The following LRSAM1 variants were observed in gnomAD, a reference collection of about 807,000 sequenced individuals.
LRSAM1 encodes the protein leucine rich repeat and sterile alpha motif containing 1, also known as E3 ubiquitin-protein ligase LRSAM1.
A neutral mutation model predicts 118.1 loss-of-function variants in LRSAM1; 96 were observed. The ratio of observed to expected loss-of-function variants is 0.81; its 90% confidence interval spans 0.69 to 0.96. The LOEUF (loss-of-function observed/expected upper bound fraction) is 0.96, where lower values mean the gene tolerates loss of function less well. Among genes scored for constraint, LRSAM1 ranks in the 40% least tolerant of loss-of-function variants. The pLI is 0.00. For missense variants in LRSAM1, 804 were observed against 915.5 expected, an observed-to-expected ratio of 0.88 and a Z score of 1.57; for synonymous variants, 322 against 364.2, an observed-to-expected ratio of 0.88 and a Z score of 1.32.
intron 7 of LRSAM1, among the ~76,000 whole-genome samples, chr9:127,460,157 G>A (rs1430219661): frequency 6.6e-6 from 1 of 151,970 alleles, no homozygotes; most frequent in Admixed American, 6.6e-5. Flanking sequence ...CCACCACTAT[G>A]CCTGGCTAAT....
chr9:127,473,356 C>T (rs190121619), intron 10 of LRSAM1, among the ~76,000 whole-genome samples: 1 of 152,306 alleles, frequency 6.6e-6, no homozygotes, highest in East Asian at 1.9e-4. Context: ...TACAAATCAA[C>T]AGGAAAAAGA....
intron 10 of LRSAM1, among the ~76,000 whole-genome samples, chr9:127,473,375 C>T (rs1835243009): frequency 6.6e-6 from 1 of 152,170 alleles, no homozygotes; most frequent in Non-Finnish European, 1.5e-5. Context: ...GACAAACAGC[C>T]AAATAGGAAG....
At position 127,457,362 on chromosome 9, in the gene LRSAM1, C is replaced by T; in HGVS notation, c.221C>T (p.Ser74Phe). 2.5e-6 allele frequency: 4 copies of T among 1,614,258 alleles called. No individual in the cohort carries two copies. Among genetic ancestry groups the T allele is most frequent in the Non-Finnish European group, 3.4e-6 (4 of 1,180,048 alleles). ...TNHLTSLLPKSCSLLSLATIK... is the reference protein window; with the variant it reads ...TNHLTSLLPKFCSLLSLATIK... ...CACCTCACTTCCCTGCTTCCCAAAT[C>T]CTGCAGCCTCCTGAGTCTGGCAACC... The change falls in exon 6 of 26, where the codon TCC (serine) becomes TTC (phenylalanine). Residue 74 changes from serine to phenylalanine, a missense_variant. Coordinates refer to ENST00000300417, the MANE Select transcript of LRSAM1 (RefSeq NM_001005373.4).
chr9:127,452,429 C>T (rs1834357404), intron 2 of LRSAM1: 1 of 152,272 alleles, frequency 6.6e-6, no homozygotes. Context: ...CAGACAGCCC[C>T]GCCCCCGTGG....
intron 17 of LRSAM1, chr9:127,487,381 G>A: frequency 2.6e-6 from 1 of 379,864 alleles, no homozygotes; most frequent in Non-Finnish European, 5.1e-6. Flanking sequence ...TGGCTGGGCA[G>A]AGGCAGGCAT....
In LRSAM1 at chr9:127,465,952, A is replaced by G. The variant is rs1482038702; in HGVS notation, c.529-1788A>G. ...CATCTGCATGTGTGCGCTGATAAACATTTGTCATTACATAATTTAAAAGTC... is the reference window on the plus strand; with the variant it reads ...CATCTGCATGTGTGCGCTGATAAACGTTTGTCATTACATAATTTAAAAGTC... On this transcript the variant is annotated intron_variant, in intron 9 of 25. Coordinates refer to ENST00000300417, the MANE Select transcript of LRSAM1 (RefSeq NM_001005373.4). The surrounding 1 kb of genome is among the most constrained non-coding windows in gnomAD (Gnocchi z 4.1). Among the ~76,000 whole-genome samples the G allele has an allele frequency of 6.6e-6, 1 of 152,106 alleles. No homozygotes were observed. Among genetic ancestry groups the G allele is most frequent in the Non-Finnish European group, 1.5e-5 (1 of 68,024 alleles).
chr9:127,473,798 C>T lies in LRSAM1; in HGVS notation c.620-3C>T, dbSNP rs373015900. On this transcript the variant is annotated splice_polypyrimidine_tract_variant and splice_region_variant and intron_variant, in intron 10 of 25. Coordinates refer to ENST00000300417, the MANE Select transcript of LRSAM1 (RefSeq NM_001005373.4). ...TGGTCAGCTTGTGTCCCGTCTCTTA[C>T]AGAGTCAGGGCTGGAATACTACCCC... 1.2e-4 allele frequency: 186 copies of T among 1,614,062 alleles called. No individual in the cohort carries two copies. Among genetic ancestry groups the T allele is most frequent in the Non-Finnish European group, 1.3e-4 (159 of 1,180,030 alleles).
rs781577020 is a variant in LRSAM1, at chr9:127,462,280, C to G, written c.435C>G (p.Thr145=). The G allele has an allele frequency of 1.2e-6, 2 of 1,613,926 alleles. No homozygotes were observed. The highest frequency in any genetic ancestry group is 8.5e-7 in the Non-Finnish European group (1 of 1,179,996). Reference sequence around the variant, plus strand: ...ACAAGCTGAAGGAGCTTCCAGACACCGTGGGGGAGCTTCGAAGCCTGCGTA... The same window carrying G: ...ACAAGCTGAAGGAGCTTCCAGACACGGTGGGGGAGCTTCGAAGCCTGCGTA... ...KDNKLKELPD[T]VGELRSLRTL... The change falls in exon 9 of 26, where the codon ACC becomes ACG. Residue 145 remains threonine (T), a synonymous_variant. Coordinates refer to ENST00000300417, the MANE Select transcript of LRSAM1 (RefSeq NM_001005373.4).
chr9:127,495,005 G>A (rs1202469870), intron 21 of LRSAM1, among the ~76,000 whole-genome samples: 2 of 152,222 alleles, frequency 1.3e-5, no homozygotes, highest in African/African-American at 2.4e-5. Context: ...AGGCTGGAGT[G>A]CAGTGGCGCG....
Position 127,493,756 on chromosome 9 carries a change from C to T in LRSAM1, c.1599+859C>T, listed in dbSNP as rs568586849. Among the ~76,000 whole-genome samples the T allele has an allele frequency of 1.2e-4, 19 of 152,272 alleles. No homozygotes were observed. In the East Asian group the frequency reaches 3.3e-3, roughly 26 times the overall value. On this transcript the variant is annotated intron_variant, in intron 21 of 25. Coordinates refer to ENST00000300417, the MANE Select transcript of LRSAM1 (RefSeq NM_001005373.4). The stretch of plus-strand genomic sequence containing the variant: ...TGACACTGGCACATTTTCAGCGTGG[C>T]AGAGGCCCCCTTGAGAGTGTCTCCT...
Position 127,485,766 on chromosome 9 carries a change from G to A in LRSAM1, c.1190G>A (p.Cys397Tyr), listed in dbSNP as rs780219877. The part of the protein sequence containing the change: ...SAMQQMLTES[C>Y]KNRLIQMAYE... Reference sequence around the variant, plus strand: ...ATGCAGCAGATGCTGACTGAGAGCTGTAAGAACCGGCTCATCCAGATGGCC... The same window carrying A: ...ATGCAGCAGATGCTGACTGAGAGCTATAAGAACCGGCTCATCCAGATGGCC... The change falls in exon 17 of 26, where the codon TGT (cysteine) becomes TAT (tyrosine). Residue 397 changes from cysteine to tyrosine, a missense_variant. Physicochemically the swap from Cys to Tyr is radical, Grantham distance 194 (BLOSUM62 -2). Coordinates refer to ENST00000300417, the MANE Select transcript of LRSAM1 (RefSeq NM_001005373.4). The A allele has an allele frequency of 6.2e-7, 1 of 1,614,122 alleles. No individual in the cohort carries two copies. The highest frequency in any genetic ancestry group is 2.2e-5 in the East Asian group (1 of 44,880).
chr9:127,502,277 G>A (rs140843243), intron 25 of LRSAM1, among the ~76,000 whole-genome samples: 32 of 152,340 alleles, frequency 2.1e-4, no homozygotes, highest in African/African-American at 7.2e-4. Context: ...GAAATAGACA[G>A]CAAACTGCTA....
intron 17 of LRSAM1, 71 bp downstream of exon 17, chr9:127,485,906 G>T: frequency 1.3e-6 from 2 of 1,492,306 alleles, no homozygotes; most frequent in South Asian, 2.3e-5. Context: ...ACCGTGGGAT[G>T]AGAGCTGGGC....
intron 24 of LRSAM1, among the ~76,000 whole-genome samples, chr9:127,498,760 T>A (rs1836252474): frequency 6.6e-6 from 1 of 152,106 alleles, no homozygotes; most frequent in Non-Finnish European, 1.5e-5. Context: ...ATACTTTATA[T>A]CAAATATAGA....
rs1336726060 is a variant in LRSAM1 at position 127,465,122 on chromosome 9, C to T, written c.529-2618C>T. On this transcript the variant is annotated intron_variant, in intron 9 of 25. Coordinates refer to ENST00000300417, the MANE Select transcript of LRSAM1 (RefSeq NM_001005373.4). This position sits in a 1 kb window ranked among gnomAD's most constrained non-coding sequence, Gnocchi z 4.1. The stretch of plus-strand genomic sequence containing the variant: ...CAGCCCACCAGGTCGGTAACACTGC[C>T]TGTTTGGCTATGAGGAGACCACAGC... Among the ~76,000 whole-genome samples the T allele has an allele frequency of 6.6e-6, 1 of 152,184 alleles. No individual in the cohort carries two copies. The highest frequency in any genetic ancestry group is 1.5e-5 in the Non-Finnish European group (1 of 68,034).
intron 1 of LRSAM1, 87 bp downstream of exon 1, chr9:127,451,756 A>T (rs1834329639): frequency 5.2e-6 from 1 of 191,674 alleles, no homozygotes; most frequent in Admixed American, 5.6e-5. Context: ...AGACCCCAGT[A>T]CCGCGGCGAC....
chr9:127,501,085 C>G lies in LRSAM1; in HGVS notation c.1988C>G (p.Ala663Gly). ...CCTCCTGAGTCTGTGAGGCCATCCG[C>G]TCCCCCTGCAGAGCTGGAGGTGCAG... ...QEPPESVRPS[A>G]PPAELEVQAS... Residue 663 changes from alanine (A) to glycine (G), a missense_variant, in exon 25 of 26, where the codon GCT (alanine) becomes GGT (glycine). By Grantham distance (60) the Ala-to-Gly change is moderately conservative. Coordinates refer to ENST00000300417, the MANE Select transcript of LRSAM1 (RefSeq NM_001005373.4). The G allele has an allele frequency of 3.1e-6, 5 of 1,614,012 alleles. No homozygotes were observed. Among genetic ancestry groups the G allele is most frequent in the Non-Finnish European group, 4.2e-6 (5 of 1,180,024 alleles).
At chr9:127,457,234 G>C in intron 5 of LRSAM1, 82 bp from the exon 6 acceptor site, 1 of 1,511,838 alleles carries the variant, frequency 6.6e-7, no homozygotes, top group Non-Finnish European at 9.1e-7. Context: ...GTGGCACGGC[G>C]CTGGGCTGGC....
At chr9:127,479,053 C>A in intron 12 of LRSAM1, 90 bp downstream of exon 12, 1 of 1,414,842 alleles carries the variant, frequency 7.1e-7, no homozygotes, top group African/African-American at 1.4e-5. Context: ...GACTTCTTCC[C>A]AGCTCAGAAT....
Sources: gnomAD v4.1 joint callset for allele counts (sites outside exome capture counted in the v4.1 genomes callset) on GRCh38, gnomAD v4.1.1 for gene constraint, Gnocchi (gnomAD v3.1) non-coding constraint, MANE v1.5 for transcripts, NCBI Gene and HGNC (gene_info 2026-07-23, HGNC 2026-07-21) for gene names.